CABIN1: variants seen among roughly 807,000 people sequenced by gnomAD.
CABIN1 encodes calcineurin-binding protein cabin-1.
A neutral mutation model predicts 227.7 loss-of-function variants in CABIN1; 133 were observed. The observed-to-expected ratio is 0.58, with a 90% confidence interval of 0.51 to 0.67. The LOEUF is 0.67. CABIN1 is among the 30% of genes least tolerant of loss of function. The pLI is 0.00. For synonymous variants in CABIN1, 1,086 were observed against 1,155.1 expected (o/e 0.94, Z 1.21); for missense variants, 2,408 against 2,852.5 (o/e 0.84, Z 3.55).
intron 1 of CABIN1, among the ~76,000 whole-genome samples, chr22:24,028,175 A>G (rs1044229853): frequency 4.6e-5 from 7 of 152,254 alleles, no homozygotes; most frequent in Non-Finnish European, 1.0e-4. Flanking sequence ...TTGCTAAAAA[A>G]TGCTGACACA....
intron 16 of CABIN1, among the ~76,000 whole-genome samples, chr22:24,069,183 T>C (rs1018969321): frequency 8.5e-5 from 13 of 152,250 alleles, no homozygotes; most frequent in Non-Finnish European, 4.4e-5. Context: ...AGTTTGTGTC[T>C]TGTTGAGTTG....
At chr22:24,094,539 C>T (rs746978134) in intron 24 of CABIN1, among the ~76,000 whole-genome samples, 7 of 152,196 alleles carry the variant, frequency 4.6e-5, no homozygotes, top group South Asian at 2.1e-4. Context: ...CATTTCTGGC[C>T]GGGCGCGGTG....
chr22:24,097,429 C>T (rs2041959305), intron 25 of CABIN1, among the ~76,000 whole-genome samples: 2 of 152,156 alleles, frequency 1.3e-5, no homozygotes, highest in Non-Finnish European at 2.9e-5. Context: ...GCTTTTTCCC[C>T]TGACAGTGGG....
At chr22:24,150,877 A>G (rs1405208484) in intron 29 of CABIN1, among the ~76,000 whole-genome samples, 1 of 152,138 alleles carries the variant, frequency 6.6e-6, no homozygotes, top group Non-Finnish European at 1.5e-5. Context: ...ATTCCCTCAC[A>G]TAAGGGGTGG....
At chr22:24,039,148 G>C (rs1432449465) in intron 4 of CABIN1, among the ~76,000 whole-genome samples, 1 of 152,162 alleles carries the variant, frequency 6.6e-6, no homozygotes, top group East Asian at 1.9e-4. Flanking sequence ...AGGAGGAAAG[G>C]CGTTTGTTTT....
At position 24,055,001 on chromosome 22, in the gene CABIN1, C is replaced by G; in HGVS notation, c.935C>G (p.Ser312Cys). ...CAGGACCCCAGCCAGCCTCTTGAGT[C>G]CTCCATGGTGGTGACGCCAGTTAAC... Reference protein sequence around the residue: ...DYQDPSQPLESSMVVTPVNVI... With the variant: ...DYQDPSQPLECSMVVTPVNVI... Residue 312 changes from serine to cysteine, a missense_variant, in exon 9 of 37, where the codon TCC (serine) becomes TGC (cysteine). Physicochemically the swap from Ser to Cys is moderately radical, Grantham distance 112. This residue lies in a region of CABIN1 where 1,045 missense variants were observed against 1,168.4 expected (regional missense o/e 0.89). Transcript: ENST00000263119. 6.2e-7 allele frequency: 1 copy of G among 1,614,248 alleles called. No individual in the cohort carries two copies. The highest frequency in any genetic ancestry group is 8.5e-7 in the Non-Finnish European group (1 of 1,180,052).
chr22:24,118,371 C>G (rs1307253723), intron 27 of CABIN1, among the ~76,000 whole-genome samples: 1 of 152,176 alleles, frequency 6.6e-6, no homozygotes, highest in Non-Finnish European at 1.5e-5. Context: ...CACCTGATGT[C>G]TGCAGATAGG....
chr22:24,082,942 G>T (rs745476333), intron 19 of CABIN1, among the ~76,000 whole-genome samples: 18 of 152,206 alleles, frequency 1.2e-4, no homozygotes, highest in Non-Finnish European at 2.2e-4. Flanking sequence ...TCTTCTTCTG[G>T]TGGCTGGTAG....
rs752261887 is a variant in CABIN1 at position 24,167,085 on chromosome 22, A to AGCCCCC, written c.5470_5475dup (p.Pro1824_Ala1825dup). 181 of 1,535,576 alleles carry AGCCCCC rather than the reference A, an allele frequency of 1.2e-4. No individual in the cohort carries two copies. In the Admixed American group the frequency reaches 1.6e-3, roughly 13 times the overall value. On this transcript the variant is annotated inframe_insertion, in exon 32 of 37. Transcript: ENST00000263119. ...CCACCCCGCTCACCCCAGCCCAGCC[A>AGCCCCC]GCCCCCGCCCCCGCCCCCGCCACCA...
intron 7 of CABIN1, 30 bp from the exon 8 acceptor site, chr22:24,050,795 A>G (rs756392637): frequency 1.9e-6 from 3 of 1,614,010 alleles, no homozygotes; most frequent in Non-Finnish European, 8.5e-7. Context: ...TTGTAACATG[A>G]TAATTTCTCC....
chr22:24,052,835 A>C (rs553586284), intron 8 of CABIN1, among the ~76,000 whole-genome samples: 1 of 151,942 alleles, frequency 6.6e-6, no homozygotes, highest in South Asian at 2.1e-4. Flanking sequence ...TGCAGGGCAC[A>C]GTTTACCACC....
chr22:24,015,668 T>TA (rs995313882), intron 1 of CABIN1, among the ~76,000 whole-genome samples: 40 of 151,874 alleles, frequency 2.6e-4, no homozygotes, highest in Middle Eastern at 3.4e-3. Context: ...AAAAACATCT[T>TA]TATTGAGGCC....
intron 7 of CABIN1, among the ~76,000 whole-genome samples, chr22:24,050,038 C>T (rs2038205374): frequency 6.6e-6 from 1 of 152,146 alleles, no homozygotes; most frequent in South Asian, 2.1e-4. Context: ...CTCTAGCTGC[C>T]CTTCCCCACA....
intron 29 of CABIN1, among the ~76,000 whole-genome samples, chr22:24,145,671 CAT>C (rs1228386244): frequency 6.6e-6 from 1 of 152,184 alleles, no homozygotes; most frequent in East Asian, 1.9e-4. Context: ...TGCGTGCATG[CAT>C]ATGTCTGTCC....
chr22:24,034,239 C>T (rs1307549349), intron 1 of CABIN1, among the ~76,000 whole-genome samples: 4 of 152,206 alleles, frequency 2.6e-5, no homozygotes, highest in African/African-American at 9.6e-5. Flanking sequence ...TTCCTAACAG[C>T]CCATGGACCA....
At chr22:24,081,665 A>G (rs2040813260) in intron 19 of CABIN1, among the ~76,000 whole-genome samples, 1 of 152,088 alleles carries the variant, frequency 6.6e-6, no homozygotes, top group Non-Finnish European at 1.5e-5. Flanking sequence ...TATTGTTTCT[A>G]ACTTACTGAA....
At chr22:24,149,922 G>C (rs1382964735) in intron 29 of CABIN1, among the ~76,000 whole-genome samples, 1 of 152,230 alleles carries the variant, frequency 6.6e-6, no homozygotes, top group African/African-American at 2.4e-5. Flanking sequence ...CCATGCCTCG[G>C]CTTAGGCCCA....
At chr22:24,155,953 G>A (rs1204755537) in intron 29 of CABIN1, 1 of 519,398 alleles carries the variant, frequency 1.9e-6, no homozygotes, top group Non-Finnish European at 3.3e-6. Context: ...GAGTGCCGGC[G>A]CCCCGTCCGG....
At chr22:24,057,387 G>A (rs1046427396) in intron 10 of CABIN1, among the ~76,000 whole-genome samples, 15 of 152,048 alleles carry the variant, frequency 9.9e-5, no homozygotes, top group African/African-American at 2.7e-4. Flanking sequence ...GGCCTCTCTC[G>A]GCAGACACCA....
Sources: allele counts gnomAD v4.1 joint callset (sites outside exome capture counted in the v4.1 genomes callset), GRCh38; gene constraint gnomAD v4.1.1; regional missense constraint gnomAD v4.1.1; transcripts MANE v1.5; gene names NCBI Gene and HGNC (gene_info 2026-07-23, HGNC 2026-07-21).